Variants in CSMD2 observed in about 807,000 individuals in gnomAD.
The protein encoded by CSMD2 is CUB and sushi domain-containing protein 2.
In CSMD2, 130 loss-of-function variants were observed where a neutral mutation model predicts 398.5. The observed-to-expected ratio is 0.33, with a 90% CI of 0.28 to 0.38. The LOEUF (loss-of-function observed/expected upper bound fraction) is 0.38, where lower values mean the gene tolerates loss of function less well. Ranked by LOEUF, CSMD2 falls within the 10% of genes least tolerant of loss-of-function variation. CSMD2 has a pLI of 1.00. For synonymous variants in CSMD2, 1,828 were observed against 1,908.5 expected, an observed-to-expected ratio of 0.96 and a Z score of 1.10; for missense variants, 3,829 against 4,764.9, an observed-to-expected ratio of 0.80 and a Z score of 5.78.
In CSMD2 at chr1:34,132,441, C is replaced by T. The variant is rs148436566; in HGVS notation, c.187+32470G>A. The stretch of plus-strand genomic sequence containing the variant: ...CCAAATATCCCCTCCTCTGGGACCT[C>T]CCCCAGGTGTAGTTACTTGCTCCCT... On this transcript the variant is annotated intron_variant, in intron 1 of 70. Transcript: ENST00000373381. Among the ~76,000 whole-genome samples the T allele has an allele frequency of 1.8e-3, 270 of 152,200 alleles. 1 individual carries two copies. The highest frequency in any genetic ancestry group is 6.1e-3 in the African/African-American group (254 of 41,532).
chr1:33,995,146 G>C (rs960463985), intron 3 of CSMD2, among the ~76,000 whole-genome samples: 2 of 152,130 alleles, frequency 1.3e-5, no homozygotes, highest in East Asian at 1.9e-4. Context: ...CTTTGCAAAT[G>C]TTTCCAGTGA....
chr1:33,620,800 C>CTGGGTCT (rs1416740884), intron 37 of CSMD2, among the ~76,000 whole-genome samples: 15 of 146,740 alleles, frequency 1.0e-4, no homozygotes, highest in Non-Finnish European at 1.9e-4. Flanking sequence ...TCTAGCTGTC[C>CTGGGTCT]TGGGTCTTTT....
chr1:33,564,757 G>GT (rs1658896085), intron 53 of CSMD2, among the ~76,000 whole-genome samples: 1 of 151,962 alleles, frequency 6.6e-6, no homozygotes, highest in South Asian at 2.1e-4. Context: ...TTCAGGCATT[G>GT]TTTTTTGAGA....
chr1:33,679,199 GTTT>G (rs58284803), intron 25 of CSMD2, among the ~76,000 whole-genome samples: 14 of 84,192 alleles, frequency 1.7e-4, no homozygotes, highest in African/African-American at 2.1e-4. Context: ...AATTGCAGTT[GTTT>G]TTTTTTTTTT....
At chr1:33,620,236 A>C (rs1570969648) in intron 37 of CSMD2, among the ~76,000 whole-genome samples, 1 of 152,254 alleles carries the variant, frequency 6.6e-6, no homozygotes, top group Non-Finnish European at 1.5e-5. Context: ...ATTATGAATC[A>C]TAGCAGTGGA....
intron 12 of CSMD2, among the ~76,000 whole-genome samples, chr1:33,774,074 G>C (rs1651634051): frequency 6.6e-6 from 1 of 151,864 alleles, no homozygotes. Flanking sequence ...TTTGTGCTGA[G>C]AGCAGGCAGG....
intron 66 of CSMD2, 120 bp downstream of exon 66, chr1:33,524,762 T>G: frequency 1.0e-6 from 1 of 984,542 alleles, no homozygotes; most frequent in Non-Finnish European, 1.5e-6. Flanking sequence ...TCCTCTTCCC[T>G]GACCACCAGA....
chr1:34,028,028 T>C (rs1649904041), intron 3 of CSMD2, among the ~76,000 whole-genome samples: 1 of 152,168 alleles, frequency 6.6e-6, no homozygotes, highest in African/African-American at 2.4e-5. Context: ...CAGTTATATT[T>C]AAATTTCAGG....
intron 15 of CSMD2, among the ~76,000 whole-genome samples, chr1:33,733,998 C>A (rs1646803214): frequency 6.6e-6 from 1 of 152,138 alleles, no homozygotes; most frequent in Admixed American, 6.5e-5. Context: ...TTTGCGGATT[C>A]TCATGGATAA....
At chr1:33,587,944 C>A (rs1639195699) in intron 44 of CSMD2, among the ~76,000 whole-genome samples, 1 of 152,166 alleles carries the variant, frequency 6.6e-6, no homozygotes. Context: ...TCACCCCAAT[C>A]CTTGCTATAT....
At chr1:33,781,807 T>C (rs1277620578) in intron 12 of CSMD2, among the ~76,000 whole-genome samples, 2 of 152,206 alleles carry the variant, frequency 1.3e-5, no homozygotes, top group Non-Finnish European at 2.9e-5. Flanking sequence ...ATTGCAACTA[T>C]GACTGCATTT....
intron 15 of CSMD2, among the ~76,000 whole-genome samples, chr1:33,737,895 T>A (rs1056869765): frequency 2.6e-5 from 4 of 152,200 alleles, no homozygotes; most frequent in Non-Finnish European, 4.4e-5. Flanking sequence ...GCCTACTCCA[T>A]ACACATCTGA....
intron 13 of CSMD2, among the ~76,000 whole-genome samples, chr1:33,762,881 T>A (rs1279255514): frequency 6.6e-6 from 1 of 152,148 alleles, no homozygotes; most frequent in African/African-American, 2.4e-5. Context: ...TAGTACCCAC[T>A]CCCTTCCACA....
intron 1 of CSMD2, among the ~76,000 whole-genome samples, chr1:34,101,218 C>A (rs141193535): frequency 1.8e-3 from 270 of 152,292 alleles, no homozygotes; most frequent in African/African-American, 6.1e-3. Flanking sequence ...TTTGACGGCA[C>A]CTTGCATTTC....
chr1:33,534,592 C>T (rs575047280), intron 62 of CSMD2, among the ~76,000 whole-genome samples: 33 of 152,268 alleles, frequency 2.2e-4, no homozygotes, highest in Non-Finnish European at 4.0e-4. Context: ...TGGTGTAATG[C>T]GGCTAGATCT....
chr1:33,818,558 T>C (rs79584689), intron 9 of CSMD2, among the ~76,000 whole-genome samples: 3,090 of 152,340 alleles, frequency 0.02, 111 homozygotes, highest in African/African-American at 0.071. Flanking sequence ...ATTTGCCCAA[T>C]TGCTGAGAGT....
intron 25 of CSMD2, among the ~76,000 whole-genome samples, chr1:33,676,642 G>A (rs1235252084): frequency 5.3e-5 from 8 of 152,070 alleles, no homozygotes; most frequent in African/African-American, 1.4e-4. Context: ...AAAAGAGCCC[G>A]CATCACCAAG....
intron 37 of CSMD2, among the ~76,000 whole-genome samples, chr1:33,618,566 C>T (rs1027209526): frequency 3.9e-5 from 6 of 152,030 alleles, no homozygotes; most frequent in East Asian, 3.9e-4. Context: ...ATTCAACCTG[C>T]ACTCATTTAT....
intron 6 of CSMD2, among the ~76,000 whole-genome samples, chr1:33,832,007 T>C (rs551509150): frequency 6.6e-6 from 1 of 152,114 alleles, no homozygotes; most frequent in East Asian, 1.9e-4. Flanking sequence ...CCCGGGTTCA[T>C]AAAGCAAGTC....
Sources: allele counts gnomAD v4.1 joint callset (sites outside exome capture counted in the v4.1 genomes callset), GRCh38; gene constraint gnomAD v4.1.1; transcripts MANE v1.5; gene names NCBI Gene and HGNC (gene_info 2026-07-23, HGNC 2026-07-21).